ZNF254: variants seen among roughly 807,000 people sequenced by gnomAD.
ZNF254 encodes CTD-2017D11.1.
Under a neutral mutation model 12.4 loss-of-function variants are expected in ZNF254, and 10 were observed. That is an observed-to-expected ratio of 0.80 (90% CI 0.50 to 1.36). The LOEUF (loss-of-function observed/expected upper bound fraction) is 1.36. Among genes scored for constraint, ZNF254 ranks in the 40% most tolerant of loss-of-function variants. The pLI is 0.00. For missense variants in ZNF254, 996 were observed against 763.9 expected, an observed-to-expected ratio of 1.30 and a Z score of -3.58; for synonymous variants, 305 against 253.4, an observed-to-expected ratio of 1.20 and a Z score of -1.93.
In ZNF254 at chr19:24,096,059, C is replaced by CT. The variant is rs200037759; in HGVS notation, c.30+8740dup. ...GATTCTGATGTGTTGTTTTTTAGTT[C>CT]TTTTTTTTTTTTTTTTTTAAGATGG... On this transcript the variant is annotated intron_variant, in intron 1 of 3. Transcript: ENST00000357002. 7.2e-3 allele frequency among the ~76,000 whole-genome samples: 881 copies of CT among 121,602 alleles called. 6 individuals are homozygous for CT. The highest frequency in any genetic ancestry group is 0.014 in the African/African-American group (476 of 33,354). The allele number at this position is 121,602 out of a possible 152,430, so 79.8% of individuals were successfully genotyped here. A position where few individuals can be genotyped will look rare whatever the true frequency, so the allele number is the denominator to read the frequency against.
At position 24,126,506 on chromosome 19, in the gene ZNF254, C is replaced by G; in HGVS notation, c.506C>G (p.Ser169Ter). 6.3e-7 allele frequency: 1 copy of G among 1,588,668 alleles called. No homozygotes were observed. Among genetic ancestry groups the G allele is most frequent in the African/African-American group, 1.4e-5 (1 of 73,286 alleles). The part of the protein sequence containing the change: ...YLKVFYKFLN[S>*]NRPKIRHTEK... ...AAAGTCTTCTATAAATTTTTAAATTCAAACAGACCTAAGATAAGACATACT... is the reference window on the plus strand; with the variant it reads ...AAAGTCTTCTATAAATTTTTAAATTGAAACAGACCTAAGATAAGACATACT... Residue 169 changes from serine (S) to a stop codon, truncating the protein, a stop_gained, in exon 4 of 4, where the codon TCA (serine) becomes TGA (stop). Transcript: ENST00000357002. LOFTEE classifies it low-confidence loss of function (END_TRUNC).
In ZNF254 at chr19:24,056,719, C is replaced by G. The variant is rs116430678; in HGVS notation, c.-94+10440C>G. Among the ~76,000 whole-genome samples the G allele has an allele frequency of 6.6e-3, 1,012 of 152,298 alleles. 6 individuals are homozygous for G. The highest frequency in any genetic ancestry group is 0.023 in the African/African-American group (946 of 41,558). ...GACCCAGAAATCAGGTGATGTGTTT[C>G]TCCTGCCTGAGCTTTGCTCATAGGG... is the stretch of plus-strand genomic sequence containing the variant. On this transcript the variant is annotated intron_variant, in intron 2 of 4. Transcript: ENST00000613065.
chr19:24,125,026 C>T (rs768099853), intron 3 of ZNF254, among the ~76,000 whole-genome samples: 13 of 152,050 alleles, frequency 8.5e-5, no homozygotes, highest in Admixed American at 3.3e-4. Flanking sequence ...CTCAGGTGAT[C>T]GGCCCACCTT....
intron 1 of ZNF254, among the ~76,000 whole-genome samples, chr19:24,041,928 AT>A (rs1482998498): frequency 5.4e-5 from 8 of 148,796 alleles, no homozygotes; most frequent in African/African-American, 1.5e-4. Flanking sequence ...GAGTCTTTAT[AT>A]CTAGCTCAGG....
intron 2 of ZNF254, among the ~76,000 whole-genome samples, chr19:24,058,626 T>A (rs911488424): frequency 6.6e-6 from 1 of 152,108 alleles, no homozygotes; most frequent in African/African-American, 2.4e-5. Flanking sequence ...CAGGCTGGTC[T>A]CGAACTCCTG....
At chr19:24,049,729 A>T (rs758950532) in intron 2 of ZNF254, among the ~76,000 whole-genome samples, 3 of 152,084 alleles carry the variant, frequency 2.0e-5, no homozygotes, top group African/African-American at 7.2e-5. Context: ...TGCCCTGCCC[A>T]TGTGGCCCAT....
chr19:24,088,178 G>C (rs1227394875), intron 1 of ZNF254, among the ~76,000 whole-genome samples: 1 of 151,974 alleles, frequency 6.6e-6, no homozygotes, highest in African/African-American at 2.4e-5. Context: ...AAAGTGCTAG[G>C]ATTACAGGCG....
chr19:24,121,798 A>G (rs1599760823), intron 3 of ZNF254, among the ~76,000 whole-genome samples: 1 of 151,344 alleles, frequency 6.6e-6, no homozygotes, highest in Middle Eastern at 3.4e-3. Flanking sequence ...CTCATGATCC[A>G]CCCTCTTCAG....
At chr19:24,119,809 T>G (rs1383673845) in intron 3 of ZNF254, among the ~76,000 whole-genome samples, 1 of 152,116 alleles carries the variant, frequency 6.6e-6, no homozygotes, top group East Asian at 1.9e-4. Context: ...TATTTAAAAT[T>G]ATTTCTTAAA....
chr19:24,116,463 T>C (rs1246692204), intron 3 of ZNF254, among the ~76,000 whole-genome samples: 2 of 152,162 alleles, frequency 1.3e-5, no homozygotes, highest in African/African-American at 4.8e-5. Context: ...CTGTCACTGA[T>C]ACCCTTTCTT....
At chr19:24,044,383 A>G (rs1237665760) in intron 1 of ZNF254, among the ~76,000 whole-genome samples, 1 of 151,922 alleles carries the variant, frequency 6.6e-6, no homozygotes, top group Non-Finnish European at 1.5e-5. Flanking sequence ...CTAAAAATAC[A>G]AAAAATTAGC....
At chr19:24,108,351 G>A (rs1973464297) in intron 3 of ZNF254, among the ~76,000 whole-genome samples, 1 of 152,184 alleles carries the variant, frequency 6.6e-6, no homozygotes, top group Non-Finnish European at 1.5e-5. Context: ...ACCAAGTTAG[G>A]TGGAACAATT....
At chr19:24,099,591 T>G (rs748127772) in intron 1 of ZNF254, among the ~76,000 whole-genome samples, 1 of 152,212 alleles carries the variant, frequency 6.6e-6, no homozygotes, top group Non-Finnish European at 1.5e-5. Context: ...GTTACCTGGC[T>G]TCAAGTTGCA....
chr19:24,107,368 AT>A (rs201380373), intron 3 of ZNF254: 4,628 of 421,194 alleles, frequency 0.011, 40 homozygotes, highest in Non-Finnish European at 0.014. Flanking sequence ...GTCCTCTCTA[AT>A]TTTTTTCATT....
In ZNF254 at chr19:24,128,126, T is replaced by A; in HGVS notation, c.*146T>A. ...AGAAAATCATTCTGCTGAAAAATCC[T>A]AGAAATGTGAAGAATGTGAAAAAGC... On this transcript the variant is annotated 3_prime_UTR_variant, in exon 4 of 4. Transcript: ENST00000357002. 1.2e-6 allele frequency: 1 copy of A among 822,074 alleles called. No individual in the cohort carries two copies. The highest frequency in any genetic ancestry group is 1.7e-6 in the Non-Finnish European group (1 of 579,666). The allele number at this position is 822,074 out of a possible 1,614,324, so 50.9% of individuals were successfully genotyped here.
chr19:24,033,835 C>A (rs1400598680), intron 1 of ZNF254, among the ~76,000 whole-genome samples: 2 of 152,248 alleles, frequency 1.3e-5, no homozygotes, highest in Non-Finnish European at 2.9e-5. Context: ...GCTCCCTGGG[C>A]AGCTCTGCAT....
chr19:24,122,408 A>G (rs1223380226), intron 3 of ZNF254, among the ~76,000 whole-genome samples: 1 of 151,992 alleles, frequency 6.6e-6, no homozygotes. Context: ...TATTTTTATT[A>G]GAGATGGGGT....
intron 1 of ZNF254, among the ~76,000 whole-genome samples, chr19:24,044,928 G>A (rs1970321290): frequency 6.6e-6 from 1 of 152,196 alleles, no homozygotes; most frequent in Non-Finnish European, 1.5e-5. Flanking sequence ...ATAGAGATTT[G>A]ATGTTAGAGA....
intron 2 of ZNF254, among the ~76,000 whole-genome samples, chr19:24,049,221 T>A (rs1250196473): frequency 8.2e-4 from 114 of 139,366 alleles, no homozygotes; most frequent in Non-Finnish European, 1.1e-3. Flanking sequence ...TATATTTTTT[T>A]TTTTTTTTTA....
Sources: gnomAD v4.1 joint callset for allele counts (sites outside exome capture counted in the v4.1 genomes callset) on GRCh38, gnomAD v4.1.1 for gene constraint, MANE v1.5 for transcripts, NCBI Gene and HGNC (gene_info 2026-07-23, HGNC 2026-07-21) for gene names.